CYP19A1: variants seen among roughly 807,000 people sequenced by gnomAD.
CYP19A1 encodes the protein aromatase.
A neutral mutation model predicts 44.4 loss-of-function variants in CYP19A1; 32 were observed. The ratio of observed to expected loss-of-function variants is 0.72; its 90% CI spans 0.54 to 0.97. CYP19A1 has a LOEUF of 0.97. Ranked by LOEUF, CYP19A1 falls within the 50% of genes least tolerant of loss-of-function variation. CYP19A1 has a pLI of 0.00. For synonymous variants in CYP19A1, 212 were observed against 215.6 expected (o/e 0.98, Z 0.14); for missense variants, 598 against 637.8 (o/e 0.94, Z 0.67).
chr15:51,330,087 C>G (rs192394219), intron 1 of CYP19A1, among the ~76,000 whole-genome samples: 8 of 152,180 alleles, frequency 5.3e-5, no homozygotes, highest in Admixed American at 3.3e-4. Flanking sequence ...TGGCAAGGAG[C>G]AGGGAGGGAG....
At chr15:51,283,966 C>G (rs571705724) in intron 1 of CYP19A1, among the ~76,000 whole-genome samples, 2 of 152,184 alleles carry the variant, frequency 1.3e-5, no homozygotes, top group South Asian at 4.1e-4. Flanking sequence ...AGTTAGAGGA[C>G]GCTTACCCTC....
At chr15:51,253,878 G>A (rs2034417306) in intron 1 of CYP19A1, among the ~76,000 whole-genome samples, 2 of 152,170 alleles carry the variant, frequency 1.3e-5, no homozygotes, top group Admixed American at 1.3e-4. Context: ...CGTGAATGAT[G>A]GGACTTGTTC....
At chr15:51,247,881 C>T (rs747741501) in intron 1 of CYP19A1, among the ~76,000 whole-genome samples, 1 of 152,106 alleles carries the variant, frequency 6.6e-6, no homozygotes, top group African/African-American at 2.4e-5. Flanking sequence ...ATGTCGTGTC[C>T]CTGTATCTCA....
chr15:51,281,113 C>G (rs1414410697), intron 1 of CYP19A1, among the ~76,000 whole-genome samples: 1 of 152,204 alleles, frequency 6.6e-6, no homozygotes, highest in Non-Finnish European at 1.5e-5. Context: ...CCAGGACTTG[C>G]TCTTTCCCAG....
At chr15:51,310,224 A>G (rs1480776709) in intron 1 of CYP19A1, among the ~76,000 whole-genome samples, 1 of 152,120 alleles carries the variant, frequency 6.6e-6, no homozygotes, top group Non-Finnish European at 1.5e-5. Flanking sequence ...ACAAAATACA[A>G]AAAAAACAAT....
intron 1 of CYP19A1, among the ~76,000 whole-genome samples, chr15:51,297,082 C>G (rs1167531314): frequency 6.6e-6 from 1 of 152,214 alleles, no homozygotes; most frequent in Admixed American, 6.5e-5. Context: ...GTGTCCATCT[C>G]TCTCCAGAGA....
intron 1 of CYP19A1, among the ~76,000 whole-genome samples, chr15:51,301,043 G>A (rs1218665491): frequency 6.6e-6 from 1 of 152,198 alleles, no homozygotes; most frequent in Non-Finnish European, 1.5e-5. Context: ...GTGGTGAACT[G>A]TCAGAAGGGA....
At chr15:51,325,698 C>A (rs34203233) in intron 1 of CYP19A1, among the ~76,000 whole-genome samples, 1 of 151,934 alleles carries the variant, frequency 6.6e-6, no homozygotes, top group Admixed American at 6.6e-5. Flanking sequence ...ATTAGCTGGG[C>A]GTGGTGGCAC....
At position 51,227,912 on chromosome 15, in the gene CYP19A1, T is replaced by A. The variant is rs916593491; in HGVS notation, c.318A>T (p.Ile106=). 9 of 1,599,078 alleles carry A rather than the reference T, an allele frequency of 5.6e-6. No individual in the cohort carries two copies. In the Admixed American group the frequency reaches 1.5e-4, roughly 27 times the overall value. Reference sequence around the variant, plus strand: ...GAGAGCTGTAATGATTGTGCTTCATTATGTGGAACATACTTGAGGACCTGA... The same window carrying A: ...GAGAGCTGTAATGATTGTGCTTCATAATGTGGAACATACTTGAGGACCTGA... ...IISKSSSMFH[I]MKHNHYSSRF... Residue 106 remains isoleucine, a synonymous_variant, in exon 4 of 10, where the codon ATA becomes ATT. Transcript: ENST00000396402.
At chr15:51,251,113 C>T (rs913611925) in intron 1 of CYP19A1, among the ~76,000 whole-genome samples, 27 of 152,214 alleles carry the variant, frequency 1.8e-4, no homozygotes, top group South Asian at 4.1e-4. Context: ...GAAACTGCCT[C>T]GGGACACTGA....
intron 5 of CYP19A1, among the ~76,000 whole-genome samples, 156 bp from the exon 6 acceptor site, chr15:51,218,811 G>A (rs373516636): frequency 2.0e-4 from 30 of 152,310 alleles, no homozygotes; most frequent in African/African-American, 6.5e-4. Context: ...AGGAGTTTTA[G>A]CCACGTGAAT....
At chr15:51,302,415 G>A (rs1198107058) in intron 1 of CYP19A1, among the ~76,000 whole-genome samples, 1 of 152,192 alleles carries the variant, frequency 6.6e-6, no homozygotes, top group Admixed American at 6.5e-5. Context: ...GCTGAGAGTT[G>A]GTTTAACTGC....
At position 51,232,709 on chromosome 15, in the gene CYP19A1, G is replaced by A. The variant is rs1199658333; in HGVS notation, c.296+4150C>T. On this transcript the variant is annotated intron_variant, in intron 3 of 9. Transcript: ENST00000396402. Reference sequence around the variant, plus strand: ...TGGCTTTGCCTTCAAAATATGTCCAGAATTTTCCCTCATCTCTTATCATCT... The same window carrying A: ...TGGCTTTGCCTTCAAAATATGTCCAAAATTTTCCCTCATCTCTTATCATCT... Among the ~76,000 whole-genome samples the A allele has an allele frequency of 5.3e-5, 8 of 152,096 alleles. No individual in the cohort carries two copies. The East Asian group carries it at 1.4e-3, about 26-fold the overall frequency.
In CYP19A1 at chr15:51,326,887, G is replaced by A. The variant is rs531426773; in HGVS notation, c.-39+11608C>T. Among the ~76,000 whole-genome samples the A allele has an allele frequency of 1.7e-4, 26 of 152,252 alleles. No individual in the cohort carries two copies. In the South Asian group the frequency reaches 5.0e-3, roughly 29 times the overall value. On this transcript the variant is annotated intron_variant, in intron 1 of 9. Coordinates refer to ENST00000396402, the MANE Select transcript of CYP19A1 (RefSeq NM_000103.4). ...TAATTCCTCTGAATCGTTGTTTACT[G>A]CATTTCATTGAACCATAGGCTTTTA... is the stretch of plus-strand genomic sequence containing the variant.
At chr15:51,289,819 A>G (rs1362283385) in intron 1 of CYP19A1, among the ~76,000 whole-genome samples, 1 of 152,168 alleles carries the variant, frequency 6.6e-6, no homozygotes, top group African/African-American at 2.4e-5. Context: ...GGGGAATGGG[A>G]TAGAGAGGGA....
chr15:51,261,215 C>T (rs368730253), intron 1 of CYP19A1, among the ~76,000 whole-genome samples: 1 of 152,190 alleles, frequency 6.6e-6, no homozygotes, highest in African/African-American at 2.4e-5. Context: ...ATAACACTCA[C>T]CGCATGGCCC....
intron 1 of CYP19A1, among the ~76,000 whole-genome samples, chr15:51,311,526 A>G (rs138355842): frequency 0.018 from 2,763 of 152,352 alleles, 45 homozygotes; most frequent in Middle Eastern, 0.095. Context: ...CCTTAAAGGC[A>G]AGGAGAAAGA....
intron 8 of CYP19A1, among the ~76,000 whole-genome samples, chr15:51,213,650 C>G (rs891176848): frequency 6.6e-6 from 1 of 152,216 alleles, no homozygotes; most frequent in African/African-American, 2.4e-5. Context: ...AATGGCTCTG[C>G]TGCTTTTCCA....
chr15:51,272,942 A>T (rs1017955398), intron 1 of CYP19A1, among the ~76,000 whole-genome samples: 22 of 151,742 alleles, frequency 1.4e-4, no homozygotes, highest in African/African-American at 5.3e-4. Flanking sequence ...AATGGGAGGG[A>T]CCATTTTTCC....
Sources: gnomAD v4.1 joint callset for allele counts (sites outside exome capture counted in the v4.1 genomes callset) on GRCh38, gnomAD v4.1.1 for gene constraint, MANE v1.5 for transcripts, NCBI Gene and HGNC (gene_info 2026-07-23, HGNC 2026-07-21) for gene names.